PDE10A: variants seen among roughly 807,000 people sequenced by gnomAD.
PDE10A encodes cAMP and cAMP-inhibited cGMP 3',5'-cyclic phosphodiesterase 10A.
Under a neutral mutation model 97.7 loss-of-function variants are expected in PDE10A, and 39 were observed. The ratio of observed to expected loss-of-function variants is 0.40; its 90% CI spans 0.31 to 0.52. The LOEUF (loss-of-function observed/expected upper bound fraction) is 0.52, where lower values mean the gene tolerates loss of function less well. Ranked by LOEUF, PDE10A falls within the 20% of genes least tolerant of loss-of-function variation. The pLI, the probability that PDE10A is intolerant of heterozygous loss-of-function variation, is 0.56. For synonymous variants in PDE10A, 371 were observed against 376.8 expected, an observed-to-expected ratio of 0.98 and a Z score of 0.18; for missense variants, 731 against 1,047.8, an observed-to-expected ratio of 0.70 and a Z score of 4.17.
intron 18 of PDE10A, among the ~76,000 whole-genome samples, chr6:165,359,688 T>A (rs971008718): frequency 6.6e-6 from 1 of 152,208 alleles, no homozygotes; most frequent in Non-Finnish European, 1.5e-5. Context: ...CCTGACTGCT[T>A]ATGTCTTCTT....
intron 1 of PDE10A, among the ~76,000 whole-genome samples, chr6:165,636,663 G>A (rs1788892418): frequency 6.6e-6 from 1 of 152,258 alleles, no homozygotes; most frequent in African/African-American, 2.4e-5. Flanking sequence ...AAGGACATTT[G>A]CCACGCAAGC....
chr6:165,341,001 A>G (rs1187131159), intron 19 of PDE10A, among the ~76,000 whole-genome samples: 1 of 152,260 alleles, frequency 6.6e-6, no homozygotes, highest in Admixed American at 6.5e-5. Context: ...ACCTGGCACC[A>G]AAGACCACAT....
intron 1 of PDE10A, among the ~76,000 whole-genome samples, chr6:165,563,210 A>G (rs1472269803): frequency 4.7e-4 from 67 of 142,480 alleles, no homozygotes; most frequent in Admixed American, 3.3e-3. Flanking sequence ...GGGAGGGGGG[A>G]AAAAGAAAAA....
At chr6:165,844,327 G>C (rs572856540) in intron 1 of PDE10A, among the ~76,000 whole-genome samples, 1 of 152,310 alleles carries the variant, frequency 6.6e-6, no homozygotes, top group African/African-American at 2.4e-5. Flanking sequence ...GACCTGTTCC[G>C]TGTCCAGATT....
intron 18 of PDE10A, among the ~76,000 whole-genome samples, chr6:165,350,468 C>T (rs1406624413): frequency 1.3e-5 from 2 of 152,050 alleles, no homozygotes; most frequent in Non-Finnish European, 2.9e-5. Flanking sequence ...ATTTTATAGG[C>T]TCATAGGTGG....
At chr6:165,528,182 T>C (rs1299662958) in intron 2 of PDE10A, among the ~76,000 whole-genome samples, 2 of 152,208 alleles carry the variant, frequency 1.3e-5, no homozygotes, top group Admixed American at 1.3e-4. Context: ...AAGAGGTATG[T>C]GGATGGATCT....
chr6:165,871,702 T>C (rs1781208525), intron 1 of PDE10A, among the ~76,000 whole-genome samples: 1 of 152,136 alleles, frequency 6.6e-6, no homozygotes, highest in African/African-American at 2.4e-5. Flanking sequence ...GCAGGGTAAG[T>C]GCCAGGAAGA....
chr6:165,794,375 A>G (rs1562740068), intron 1 of PDE10A, among the ~76,000 whole-genome samples: 1 of 150,778 alleles, frequency 6.6e-6, no homozygotes, highest in African/African-American at 2.4e-5. Context: ...ACACTCATAC[A>G]ATCCCCCACA....
intron 1 of PDE10A, among the ~76,000 whole-genome samples, chr6:165,981,479 G>T (rs548656195): frequency 6.6e-6 from 1 of 152,324 alleles, no homozygotes; most frequent in East Asian, 1.9e-4. Flanking sequence ...GGGTGACTTT[G>T]TCTTTCAGAT....
chr6:165,623,054 G>A (rs899615114), intron 1 of PDE10A, among the ~76,000 whole-genome samples: 1 of 152,216 alleles, frequency 6.6e-6, no homozygotes, highest in Non-Finnish European at 1.5e-5. Flanking sequence ...CCCAGAAGCT[G>A]AGCAGATGCC....
chr6:165,480,407 G>GA (rs920467243), intron 3 of PDE10A, among the ~76,000 whole-genome samples: 12 of 152,072 alleles, frequency 7.9e-5, no homozygotes, highest in African/African-American at 2.4e-4. Context: ...GGGCAACATG[G>GA]AAAAATCCCA....
chr6:165,664,262 A>G (rs1361132198), upstream of PDE10A, among the ~76,000 whole-genome samples: 1 of 151,836 alleles, frequency 6.6e-6, no homozygotes, highest in Non-Finnish European at 1.5e-5. Context: ...CTCGCCCTCC[A>G]CGTTTTCTTC....
At chr6:165,361,999 A>G (rs1213275427) in intron 18 of PDE10A, among the ~76,000 whole-genome samples, 1 of 152,208 alleles carries the variant, frequency 6.6e-6, no homozygotes, top group Non-Finnish European at 1.5e-5. Context: ...AGATGTATGA[A>G]AATAAAGACA....
At chr6:165,797,363 A>G (rs1778857897) in intron 1 of PDE10A, among the ~76,000 whole-genome samples, 1 of 152,232 alleles carries the variant, frequency 6.6e-6, no homozygotes, top group Non-Finnish European at 1.5e-5. Flanking sequence ...GAGGCTAAAA[A>G]ATGATTATTT....
intron 13 of PDE10A, among the ~76,000 whole-genome samples, chr6:165,408,129 G>A (rs982173758): frequency 3.3e-5 from 5 of 152,100 alleles, no homozygotes; most frequent in Non-Finnish European, 5.9e-5. Flanking sequence ...TACAAAACAT[G>A]CTTCTATTAC....
chr6:165,503,991 CT>C (rs34219784), intron 2 of PDE10A, among the ~76,000 whole-genome samples: 6 of 152,042 alleles, frequency 3.9e-5, no homozygotes, highest in African/African-American at 1.2e-4. Flanking sequence ...TCATAAAATT[CT>C]TTTTTTAGCA....
intron 1 of PDE10A, among the ~76,000 whole-genome samples, chr6:165,969,535 C>T (rs1231682825): frequency 6.6e-6 from 1 of 152,126 alleles, no homozygotes; most frequent in Admixed American, 6.5e-5. Context: ...ATACGAATTC[C>T]TGGTTTTGAC....
chr6:165,580,834 G>A (rs892147042), intron 1 of PDE10A, among the ~76,000 whole-genome samples: 2 of 151,588 alleles, frequency 1.3e-5, no homozygotes, highest in Admixed American at 6.6e-5. Context: ...CCTACCCAAC[G>A]AGAAAGAAGA....
In PDE10A at chr6:165,723,645, G is replaced by C. The variant is rs114768861; in HGVS notation, c.-614-180077C>G. On this transcript the variant is annotated intron_variant, in intron 1 of 19. Transcript: ENST00000366882. ...TAGCTGCTACCAATCCTATACTTTA[G>C]TTCTGTACTTTAGAAATAGCAGGGA... Among the ~76,000 whole-genome samples the C allele has an allele frequency of 4.9e-3, 741 of 152,286 alleles. 10 individuals carry two copies. Among genetic ancestry groups the C allele is most frequent in the African/African-American group, 0.017 (714 of 41,542 alleles).
Sources: allele counts gnomAD v4.1 joint callset (sites outside exome capture counted in the v4.1 genomes callset), GRCh38; gene constraint gnomAD v4.1.1; transcripts MANE v1.5; gene names NCBI Gene and HGNC (gene_info 2026-07-23, HGNC 2026-07-21).